Variants in MSI2 observed in about 807,000 individuals in gnomAD.
MSI2 encodes RNA-binding protein Musashi homolog 2.
A neutral mutation model predicts 45.6 loss-of-function variants in MSI2; 17 were observed. The ratio of observed to expected loss-of-function variants is 0.37; its 90% CI spans 0.26 to 0.56. The LOEUF is 0.56. MSI2 is among the 20% of genes least tolerant of loss of function. MSI2 has a pLI of 0.77. For synonymous variants in MSI2, 156 were observed against 158.2 expected, an observed-to-expected ratio of 0.99 and a Z score of 0.11; for missense variants, 293 against 444.2, an observed-to-expected ratio of 0.66 and a Z score of 3.06.
chr17:57,462,538 C>T (rs1269698302), intron 6 of MSI2, among the ~76,000 whole-genome samples: 6 of 152,214 alleles, frequency 3.9e-5, no homozygotes. Context: ...CTGCAGTTCC[C>T]AGCAGGGGTT....
intron 7 of MSI2, among the ~76,000 whole-genome samples, chr17:57,576,689 G>A (rs2144343818): frequency 6.6e-6 from 1 of 151,136 alleles, no homozygotes; most frequent in African/African-American, 2.4e-5. Flanking sequence ...TGGAGGTGGA[G>A]GTTACAGTGA....
At chr17:57,560,102 A>T (rs1214643734) in intron 7 of MSI2, among the ~76,000 whole-genome samples, 1 of 152,226 alleles carries the variant, frequency 6.6e-6, no homozygotes, top group Non-Finnish European at 1.5e-5. Flanking sequence ...GGATGGGGCA[A>T]TGGAGGAGAC....
At chr17:57,432,419 A>G (rs575396424) in intron 6 of MSI2, among the ~76,000 whole-genome samples, 18 of 152,204 alleles carry the variant, frequency 1.2e-4, no homozygotes, top group African/African-American at 4.1e-4. Context: ...GGTTCCCAGC[A>G]TTGGGGTTGG....
chr17:57,574,387 C>T (rs1245273943), intron 7 of MSI2, among the ~76,000 whole-genome samples: 2 of 152,206 alleles, frequency 1.3e-5, no homozygotes, highest in South Asian at 2.1e-4. Flanking sequence ...GTGCAAAGGC[C>T]CTCATGAGTC....
At chr17:57,647,918 A>C (rs1445008470) in intron 10 of MSI2, among the ~76,000 whole-genome samples, 1 of 151,478 alleles carries the variant, frequency 6.6e-6, no homozygotes, top group Non-Finnish European at 1.5e-5. Flanking sequence ...CTAGGATTAC[A>C]GGCATGAGCC....
intron 10 of MSI2, among the ~76,000 whole-genome samples, chr17:57,644,943 C>A (rs1309270818): frequency 6.6e-6 from 1 of 152,162 alleles, no homozygotes; most frequent in Non-Finnish European, 1.5e-5. Flanking sequence ...GGGCCAGAAC[C>A]ATACCCCAGG....
intron 6 of MSI2, among the ~76,000 whole-genome samples, chr17:57,503,926 G>A (rs1019735407): frequency 4.6e-5 from 7 of 152,134 alleles, no homozygotes; most frequent in Admixed American, 2.0e-4. Flanking sequence ...TGTATTTTAA[G>A]TAGAGATGCA....
At chr17:57,602,144 A>G (rs1358106575) in intron 8 of MSI2, 1 of 152,258 alleles carries the variant, frequency 6.6e-6, no homozygotes, top group Non-Finnish European at 1.5e-5. Context: ...TATGCGGCCC[A>G]GGATGGCTTT....
At chr17:57,455,205 G>C (rs1031972678) in intron 6 of MSI2, among the ~76,000 whole-genome samples, 2 of 152,102 alleles carry the variant, frequency 1.3e-5, no homozygotes, top group African/African-American at 4.8e-5. Flanking sequence ...ATTGCAGCTT[G>C]TATATGAAAC....
At chr17:57,649,046 C>T (rs1302228142) in intron 10 of MSI2, among the ~76,000 whole-genome samples, 2 of 152,220 alleles carry the variant, frequency 1.3e-5, no homozygotes, top group Non-Finnish European at 2.9e-5. Flanking sequence ...CCTGTGCCCT[C>T]CGTCACCACA....
intron 5 of MSI2, among the ~76,000 whole-genome samples, chr17:57,282,848 T>TTTTTTTTTTC (rs10524442): frequency 6.7e-6 from 1 of 148,764 alleles, no homozygotes; most frequent in South Asian, 2.1e-4. Context: ...TTTTTTTTTT[T>TTTTTTTTTTC]CAGGGAACTC....
intron 6 of MSI2, among the ~76,000 whole-genome samples, chr17:57,502,636 T>TATATATATATAGAGAGAGAGAG: frequency 2.1e-5 from 2 of 96,902 alleles, no homozygotes; most frequent in Non-Finnish European, 4.3e-5. Flanking sequence ...TATATATATA[T>TATATATATATAGAGAGAGAGAG]AGTCATCATT....
intron 5 of MSI2, among the ~76,000 whole-genome samples, chr17:57,338,341 T>G (rs1914853904): frequency 6.6e-6 from 1 of 152,190 alleles, no homozygotes; most frequent in South Asian, 2.1e-4. Context: ...CCACCCACCT[T>G]GGCCCCCCGA....
chr17:57,663,590 G>A (rs1912162257), intron 11 of MSI2, among the ~76,000 whole-genome samples: 1 of 152,184 alleles, frequency 6.6e-6, no homozygotes, highest in African/African-American at 2.4e-5. Flanking sequence ...CACTGACTCA[G>A]GTGGAAAGGT....
At chr17:57,614,360 C>T (rs949719261) in intron 8 of MSI2, among the ~76,000 whole-genome samples, 34 of 152,162 alleles carry the variant, frequency 2.2e-4, no homozygotes, top group South Asian at 2.1e-4. Context: ...GCCTAGAGGT[C>T]TCTGTTTAAA....
chr17:57,389,151 G>T (rs2083740260), intron 5 of MSI2, among the ~76,000 whole-genome samples: 1 of 148,410 alleles, frequency 6.7e-6, no homozygotes, highest in African/African-American at 2.5e-5. Flanking sequence ...ACCAATTTTT[G>T]AATTTTTAGT....
chr17:57,510,689 A>G lies in MSI2; in HGVS notation c.406-18987A>G, dbSNP rs1041803507. ...GTGATCCACCCACCTCTGCCTCCCA[A>G]AGTGCTGGGATTACAGGCGTGAGCC... On this transcript the variant is annotated intron_variant, in intron 6 of 13. Coordinates refer to ENST00000284073, the MANE Select transcript of MSI2 (RefSeq NM_138962.4). Among the ~76,000 whole-genome samples, 8 of 152,086 alleles carry G rather than the reference A, an allele frequency of 5.3e-5. No individual in the cohort carries two copies. In the South Asian group the frequency reaches 1.7e-3, roughly 31 times the overall value.
chr17:57,636,157 C>G (rs1213416334), intron 10 of MSI2, among the ~76,000 whole-genome samples: 1 of 152,020 alleles, frequency 6.6e-6, no homozygotes. Context: ...GGCTTGTGGT[C>G]CGTCTTAGCC....
intron 8 of MSI2, 63 bp downstream of exon 8, chr17:57,597,013 TGCAGACTGGTCCAGCCCATCA>T: frequency 2.6e-5 from 32 of 1,224,512 alleles, no homozygotes; most frequent in Non-Finnish European, 3.7e-5. Context: ...CACCCAGTCT[TGCAGACTGGTCCAGCCCATCA>T]TCAGGCTGGA....
Sources: allele counts gnomAD v4.1 joint callset (sites outside exome capture counted in the v4.1 genomes callset), GRCh38; gene constraint gnomAD v4.1.1; transcripts MANE v1.5; gene names NCBI Gene and HGNC (gene_info 2026-07-23, HGNC 2026-07-21).